The following EYS variants were observed in gnomAD, a reference collection of about 807,000 sequenced individuals.
The protein encoded by EYS is protein eyes shut homolog.
In EYS, 250 loss-of-function variants were observed where a neutral mutation model predicts 282.1. That is an observed-to-expected ratio of 0.89 (90% CI 0.80 to 0.98). The LOEUF (loss-of-function observed/expected upper bound fraction) is 0.98. EYS is among the 50% of genes least tolerant of loss of function. The probability of loss-of-function intolerance (pLI) is 0.00; values close to 1 mark genes in which losing one functional copy is unlikely to be tolerated. For missense variants in EYS, 4,016 were observed against 3,709.0 expected, an observed-to-expected ratio of 1.08 and a Z score of -2.15; for synonymous variants, 1,355 against 1,282.9, an observed-to-expected ratio of 1.06 and a Z score of -1.20.
At chr6:65,270,657 C>A (rs1023960868) in intron 12 of EYS, among the ~76,000 whole-genome samples, 2 of 152,036 alleles carry the variant, frequency 1.3e-5, no homozygotes, top group African/African-American at 4.8e-5. Flanking sequence ...CAGAAAGAAG[C>A]AAGCACTTCT....
intron 13 of EYS, among the ~76,000 whole-genome samples, chr6:65,026,566 A>T (rs536863183): frequency 3.3e-5 from 5 of 152,290 alleles, no homozygotes; most frequent in Non-Finnish European, 1.5e-5. Context: ...GTGCATTAGG[A>T]GAGCACAGTC....
At chr6:64,294,625 T>C (rs866034230) in intron 30 of EYS, among the ~76,000 whole-genome samples, 23 of 152,220 alleles carry the variant, frequency 1.5e-4, no homozygotes, top group African/African-American at 5.3e-4. Context: ...GAGCTTCAAT[T>C]CTCATAGTGT....
rs551151429 is a variant in EYS, at chr6:64,882,785, C to T, written c.2992+3912G>A. On this transcript the variant is annotated intron_variant, in intron 19 of 42. Coordinates refer to ENST00000503581, the MANE Select transcript of EYS (RefSeq NM_001142800.2). ...AATATATCTTGTTAAACTAGGAACT[C>T]AGCTGACATATTGTACCAGAGTAGA... Among the ~76,000 whole-genome samples the T allele has an allele frequency of 9.2e-5, 14 of 151,574 alleles. No homozygotes were observed. The South Asian group carries it at 2.7e-3, about 29-fold the overall frequency.
chr6:64,035,641 T>C (rs951952909), intron 33 of EYS, among the ~76,000 whole-genome samples: 3 of 152,172 alleles, frequency 2.0e-5, no homozygotes. Context: ...GCAGGGGAAA[T>C]TTGACACTTT....
intron 15 of EYS, among the ~76,000 whole-genome samples, chr6:64,917,549 A>G (rs1768205047): frequency 6.6e-6 from 1 of 152,102 alleles, no homozygotes. Flanking sequence ...AGCTACTGGG[A>G]GGTGGAGGAG....
intron 22 of EYS, among the ~76,000 whole-genome samples, chr6:64,683,828 G>A (rs1769988355): frequency 6.6e-6 from 1 of 152,156 alleles, no homozygotes; most frequent in Admixed American, 6.5e-5. Flanking sequence ...CTAGGGTTGG[G>A]ACCATGAGAA....
chr6:65,286,339 C>T (rs956089980), intron 12 of EYS, among the ~76,000 whole-genome samples: 1 of 151,714 alleles, frequency 6.6e-6, no homozygotes, highest in Non-Finnish European at 1.5e-5. Flanking sequence ...CCTTGCATTT[C>T]ATGGAGTGTT....
chr6:64,823,317 AT>A (rs1764953940), intron 19 of EYS, among the ~76,000 whole-genome samples: 1 of 151,836 alleles, frequency 6.6e-6, no homozygotes, highest in African/African-American at 2.4e-5. Context: ...AGTAGCGAAT[AT>A]TTTTTAAGCA....
intron 28 of EYS, among the ~76,000 whole-genome samples, chr6:64,403,262 A>G (rs1261656431): frequency 1.3e-5 from 2 of 152,192 alleles, no homozygotes; most frequent in South Asian, 4.1e-4. Context: ...ATTGTGTAAA[A>G]ATATTTAAAA....
chr6:64,301,230 TA>T (rs1554141332), intron 30 of EYS, among the ~76,000 whole-genome samples: 1 of 152,202 alleles, frequency 6.6e-6, no homozygotes, highest in Non-Finnish European at 1.5e-5. Flanking sequence ...TAGGCGATAT[TA>T]ACTGGCTTTG....
At chr6:64,461,335 T>C (rs988403737) in intron 26 of EYS, among the ~76,000 whole-genome samples, 1 of 152,182 alleles carries the variant, frequency 6.6e-6, no homozygotes, top group African/African-American at 2.4e-5. Context: ...CTTCCTGGAT[T>C]ATATTGTGGA....
chr6:64,171,953 T>C (rs533432994), intron 31 of EYS, among the ~76,000 whole-genome samples: 5 of 152,246 alleles, frequency 3.3e-5, no homozygotes, highest in African/African-American at 1.2e-4. Context: ...TGAGCCTTTC[T>C]TCAGGCAGGA....
chr6:64,211,700 G>T (rs1403335891), intron 31 of EYS, among the ~76,000 whole-genome samples: 1 of 147,882 alleles, frequency 6.8e-6, no homozygotes, highest in Non-Finnish European at 1.5e-5. Flanking sequence ...TGAATTAATA[G>T]ATTAATATTT....
intron 22 of EYS, among the ~76,000 whole-genome samples, chr6:64,679,268 G>A (rs1769815030): frequency 6.6e-6 from 1 of 151,866 alleles, no homozygotes; most frequent in Non-Finnish European, 1.5e-5. Flanking sequence ...TGTGTGTGTT[G>A]CCCTTCCTTC....
chr6:64,401,261 G>A (rs9451483), intron 28 of EYS, among the ~76,000 whole-genome samples: 3,563 of 152,112 alleles, frequency 0.023, 72 homozygotes, highest in African/African-American at 0.059. Context: ...AGAAATTACT[G>A]ACTCAAATCT....
At chr6:65,214,637 A>G (rs1031691999) in intron 12 of EYS, among the ~76,000 whole-genome samples, 3 of 152,372 alleles carry the variant, frequency 2.0e-5, no homozygotes, top group African/African-American at 7.2e-5. Flanking sequence ...ACTACACTAA[A>G]CAACAAATGT....
At chr6:64,879,746 T>G (rs1414571537) in intron 19 of EYS, among the ~76,000 whole-genome samples, 2 of 152,036 alleles carry the variant, frequency 1.3e-5, no homozygotes, top group Non-Finnish European at 2.9e-5. Flanking sequence ...CTAATAACAT[T>G]TTTGATATAA....
At chr6:65,524,871 C>T (rs1018507921) in intron 2 of EYS, among the ~76,000 whole-genome samples, 1 of 152,120 alleles carries the variant, frequency 6.6e-6, no homozygotes, top group Non-Finnish European at 1.5e-5. Context: ...TATTAACTTG[C>T]CATCAGAAAG....
At chr6:64,398,265 G>T (rs1238207148) in intron 28 of EYS, among the ~76,000 whole-genome samples, 1 of 151,804 alleles carries the variant, frequency 6.6e-6, no homozygotes, top group Non-Finnish European at 1.5e-5. Context: ...GAAGGAGAGG[G>T]ATTAAATAGG....
Sources: allele counts gnomAD v4.1 joint callset (sites outside exome capture counted in the v4.1 genomes callset), GRCh38; gene constraint gnomAD v4.1.1; transcripts MANE v1.5; gene names NCBI Gene and HGNC (gene_info 2026-07-23, HGNC 2026-07-21).